FRMD5: variants seen among roughly 807,000 people sequenced by gnomAD.
The protein encoded by FRMD5 is FERM domain-containing protein 5.
FRMD5 carries 20 observed loss-of-function variants against 69.0 expected under a neutral mutation model. The observed-to-expected ratio is 0.29, with a 90% CI of 0.20 to 0.42. The LOEUF is 0.42. Ranked by LOEUF, FRMD5 falls within the 10% of genes least tolerant of loss-of-function variation. The pLI is 1.00. For missense variants in FRMD5, 595 were observed against 708.6 expected, an observed-to-expected ratio of 0.84 and a Z score of 1.82; for synonymous variants, 271 against 260.1, an observed-to-expected ratio of 1.04 and a Z score of -0.40.
At chr15:44,074,306 C>T (rs191977295) in intron 1 of FRMD5, among the ~76,000 whole-genome samples, 1 of 152,154 alleles carries the variant, frequency 6.6e-6, no homozygotes, top group Admixed American at 6.5e-5. Context: ...TTCTGAGCTG[C>T]AGCTAACCAA....
chr15:44,192,647 A>G (rs974334150), intron 1 of FRMD5, among the ~76,000 whole-genome samples: 3 of 152,328 alleles, frequency 2.0e-5, no homozygotes, highest in Middle Eastern at 6.8e-3. Flanking sequence ...AGAAAAGCTC[A>G]ATTTCTAAAT....
intron 1 of FRMD5, among the ~76,000 whole-genome samples, chr15:44,160,964 C>T (rs2077607223): frequency 6.6e-6 from 1 of 152,156 alleles, no homozygotes; most frequent in African/African-American, 2.4e-5. Context: ...CACTAGTGTA[C>T]CATATTGTAC....
Position 43,989,802 on chromosome 15 carries a change from G to A in FRMD5, c.103-65493C>T, listed in dbSNP as rs142390458. On this transcript the variant is annotated intron_variant, in intron 1 of 13. Coordinates refer to ENST00000417257, the MANE Select transcript of FRMD5 (RefSeq NM_032892.5). ...TGGCCACGTACATGGCTGGCCTGTC[G>A]AAGATCTCCAACATGATCTGGGTCA... 538 of 1,042,402 alleles carry A rather than the reference G, an allele frequency of 5.2e-4. 1 individual carries two copies. The African/African-American group carries it at 6.7e-3, about 13-fold the overall frequency. 64.6% of individuals were successfully genotyped at this position (1,042,402 alleles called of 1,614,324 possible). A position where few individuals can be genotyped will look rare whatever the true frequency, so the allele number is the denominator to read the frequency against.
At chr15:44,090,564 C>T (rs542807874) in intron 1 of FRMD5, among the ~76,000 whole-genome samples, 3 of 151,622 alleles carry the variant, frequency 2.0e-5, no homozygotes, top group Non-Finnish European at 2.9e-5. Context: ...CTCAGCCTTT[C>T]GAGTAGCTGG....
chr15:44,189,391 G>T (rs914408549), intron 1 of FRMD5, among the ~76,000 whole-genome samples: 3 of 152,266 alleles, frequency 2.0e-5, no homozygotes, highest in African/African-American at 7.2e-5. Context: ...TTAGCCTGAT[G>T]GAGAAACTGG....
At chr15:44,109,829 C>A (rs948388693) in intron 1 of FRMD5, among the ~76,000 whole-genome samples, 3 of 152,166 alleles carry the variant, frequency 2.0e-5, no homozygotes, top group African/African-American at 7.2e-5. Context: ...CTTTCCTAAC[C>A]CCTGGAAACC....
intron 1 of FRMD5, among the ~76,000 whole-genome samples, chr15:43,940,196 C>T (rs763285748): frequency 4.6e-5 from 7 of 152,068 alleles, no homozygotes; most frequent in Admixed American, 2.0e-4. Flanking sequence ...ACAACAACAA[C>T]GACAAAAGAT....
intron 1 of FRMD5, among the ~76,000 whole-genome samples, chr15:44,105,976 T>C (rs1595469331): frequency 6.6e-6 from 1 of 152,216 alleles, no homozygotes; most frequent in East Asian, 1.9e-4. Flanking sequence ...TCCTATATAC[T>C]TTATCTTTCT....
intron 1 of FRMD5, among the ~76,000 whole-genome samples, chr15:44,063,197 T>A (rs1893167355): frequency 6.6e-6 from 1 of 152,184 alleles, no homozygotes; most frequent in South Asian, 2.1e-4. Flanking sequence ...TATCTAGGAA[T>A]ACAGTTTTAT....
At position 43,958,790 on chromosome 15, in the gene FRMD5, A is replaced by G. The variant is rs545491942; in HGVS notation, c.103-34481T>C. On this transcript the variant is annotated intron_variant, in intron 1 of 13. Coordinates refer to ENST00000417257, the MANE Select transcript of FRMD5 (RefSeq NM_032892.5). ...AGGAAGATTCATTGCTTTACATTCT[A>G]TACTCAAGTTCTTATTAGTACTCCT... Among the ~76,000 whole-genome samples, 80 of 152,264 alleles carry G rather than the reference A, an allele frequency of 5.3e-4. 2 individuals carry two copies. In the South Asian group the frequency reaches 0.017, roughly 32 times the overall value.
At chr15:44,061,823 A>G (rs1393295615) in intron 1 of FRMD5, among the ~76,000 whole-genome samples, 2 of 152,188 alleles carry the variant, frequency 1.3e-5, no homozygotes, top group African/African-American at 2.4e-5. Context: ...AATCTGAAAT[A>G]CGGCCAGCAA....
chr15:44,000,552 C>T (rs903165213), intron 1 of FRMD5, among the ~76,000 whole-genome samples: 57 of 151,728 alleles, frequency 3.8e-4, no homozygotes, highest in African/African-American at 1.3e-3. Context: ...CTCTGCCTCC[C>T]GGGTTCAAGC....
At chr15:43,938,958 T>C (rs1011907475) in intron 1 of FRMD5, among the ~76,000 whole-genome samples, 11 of 151,922 alleles carry the variant, frequency 7.2e-5, no homozygotes, top group African/African-American at 2.7e-4. Flanking sequence ...GCCTCCTAGG[T>C]TGAAGGAATT....
chr15:43,897,451 C>CACTCCAGT (rs2088938674), intron 7 of FRMD5, among the ~76,000 whole-genome samples: 1 of 133,890 alleles, frequency 7.5e-6, no homozygotes, highest in African/African-American at 2.9e-5. Context: ...TACACCATTG[C>CACTCCAGT]ACTCCAGTCT....
intron 4 of FRMD5, among the ~76,000 whole-genome samples, chr15:43,913,544 A>C (rs1465944595): frequency 6.6e-6 from 1 of 152,244 alleles, no homozygotes; most frequent in Non-Finnish European, 1.5e-5. Context: ...CACATGACTC[A>C]TAGCATCCTT....
rs139170715 is a variant in FRMD5 at position 43,893,086 on chromosome 15, G to A, written c.640-1017C>T. On this transcript the variant is annotated intron_variant, in intron 7 of 13. Coordinates refer to ENST00000417257, the MANE Select transcript of FRMD5 (RefSeq NM_032892.5). ...ACCACCACACTCCAGCCTGGGTGAC[G>A]GAGTGAGACTCCATCTCAAAAAAAC... Among the ~76,000 whole-genome samples, 152 of 151,124 alleles carry A rather than the reference G, an allele frequency of 1.0e-3. 1 individual carries two copies. The East Asian group carries it at 0.026, about 26-fold the overall frequency.
At chr15:44,062,710 A>G (rs1261548748) in intron 1 of FRMD5, among the ~76,000 whole-genome samples, 1 of 144,168 alleles carries the variant, frequency 6.9e-6, no homozygotes, top group Non-Finnish European at 1.5e-5. Flanking sequence ...AAAAAAAAGT[A>G]TATGGGAGAA....
In FRMD5 at chr15:44,175,413, A is replaced by G. The variant is rs569139158; in HGVS notation, c.102+19540T>C. On this transcript the variant is annotated intron_variant, in intron 1 of 13. Transcript: ENST00000417257. Reference sequence around the variant, plus strand: ...AAATGTAAATTAAAACCTCAATGAAATATCACTATATACCTATCAAAATAA... The same window carrying G: ...AAATGTAAATTAAAACCTCAATGAAGTATCACTATATACCTATCAAAATAA... Among the ~76,000 whole-genome samples, 11 of 152,316 alleles carry G rather than the reference A, an allele frequency of 7.2e-5. No homozygotes were observed. The East Asian group carries it at 2.1e-3, about 29-fold the overall frequency.
chr15:44,159,733 T>G (rs574923118), intron 1 of FRMD5, among the ~76,000 whole-genome samples: 1 of 152,322 alleles, frequency 6.6e-6, no homozygotes, highest in African/African-American at 2.4e-5. Flanking sequence ...AGGATAAAGA[T>G]TAGCAGTTAG....
Sources: allele counts gnomAD v4.1 joint callset (sites outside exome capture counted in the v4.1 genomes callset), GRCh38; gene constraint gnomAD v4.1.1; transcripts MANE v1.5; gene names NCBI Gene and HGNC (gene_info 2026-07-23, HGNC 2026-07-21).